The following CEP164 variants were observed in gnomAD, a reference collection of about 807,000 sequenced individuals.
CEP164 encodes centrosomal protein 164.
In CEP164, 162 loss-of-function variants were observed where a neutral mutation model predicts 182.7. That is an observed-to-expected ratio of 0.89 (90% CI 0.78 to 1.01). CEP164 has a LOEUF of 1.01. Among genes scored for constraint, CEP164 ranks in the 50% least tolerant of loss-of-function variants. CEP164 has a pLI of 0.00. For synonymous variants in CEP164, 661 were observed against 690.0 expected (o/e 0.96, Z 0.66); for missense variants, 1,735 against 1,790.4 (o/e 0.97, Z 0.56).
intron 8 of CEP164, among the ~76,000 whole-genome samples, chr11:117,365,827 G>A (rs1430211389): frequency 6.6e-6 from 1 of 152,126 alleles, no homozygotes; most frequent in African/African-American, 2.4e-5. Flanking sequence ...TGATCTGCAC[G>A]CCACGGCTTC....
chr11:117,359,352 A>T, intron 5 of CEP164: 1 of 884,266 alleles, frequency 1.1e-6, no homozygotes, highest in Non-Finnish European at 1.4e-6. Flanking sequence ...CATTGTACGG[A>T]AGGTGTTTAG....
rs2044088527 is a variant in CEP164 at position 117,387,370 on chromosome 11, A to G, written c.1892A>G (p.Glu631Gly). ...GAGAAGCTGTGCCAAGAGGAGGAAG[A>G]GGAGATCCTCCGGCTTCACCAGCAG... is the stretch of plus-strand genomic sequence containing the variant. Reference protein sequence around the residue: ...LREKLCQEEEEEILRLHQQKE... With the variant: ...LREKLCQEEEGEILRLHQQKE... Residue 631 changes from glutamate to glycine, a missense_variant, in exon 15 of 33, where the codon GAG becomes GGG. Transcript: ENST00000278935. 6.2e-7 allele frequency: 1 copy of G among 1,614,152 alleles called. No individual in the cohort carries two copies. The highest frequency in any genetic ancestry group is 8.5e-7 in the Non-Finnish European group (1 of 1,180,026).
intron 18 of CEP164, 23 bp downstream of exon 18, chr11:117,392,326 C>T (rs1288392305): frequency 6.2e-7 from 1 of 1,602,636 alleles, no homozygotes; most frequent in Non-Finnish European, 8.5e-7. Flanking sequence ...ATCCTGGGCC[C>T]CCTTCATGGC....
intron 3 of CEP164, among the ~76,000 whole-genome samples, chr11:117,342,150 A>C (rs1387115939): frequency 6.6e-6 from 1 of 152,156 alleles, no homozygotes; most frequent in Non-Finnish European, 1.5e-5. Flanking sequence ...TAAGCTCCAT[A>C]ATGGCAGTGA....
chr11:117,399,760 G>C (rs1001757106), intron 27 of CEP164, among the ~76,000 whole-genome samples: 1 of 152,034 alleles, frequency 6.6e-6, no homozygotes, highest in Admixed American at 6.5e-5. Context: ...TTTTTTATGT[G>C]TTTGTTGGCT....
intron 15 of CEP164, among the ~76,000 whole-genome samples, chr11:117,389,007 TG>T (rs1401377518): frequency 2.0e-5 from 3 of 151,980 alleles, no homozygotes; most frequent in Non-Finnish European, 2.9e-5. Context: ...CCTGACCTGA[TG>T]ATCCGCCTGC....
intron 15 of CEP164, among the ~76,000 whole-genome samples, chr11:117,390,219 G>A (rs577793014): frequency 6.3e-4 from 96 of 151,648 alleles, no homozygotes; most frequent in Admixed American, 1.6e-3. Flanking sequence ...CTGGGATTAC[G>A]GGTGTGAGCC....
chr11:117,345,170 GCAGTGATTCACT>G (rs992882351), intron 4 of CEP164, among the ~76,000 whole-genome samples: 21 of 152,262 alleles, frequency 1.4e-4, no homozygotes, highest in African/African-American at 4.8e-4. Context: ...GTTGGAAGGA[GCAGTGATTCACT>G]CAGTGATTCA....
Position 117,391,036 on chromosome 11 carries a change from G to C in CEP164, c.2104G>C (p.Glu702Gln). ...QEASLQKLRE[E>Q]LESQQKAERA... is the part of the protein sequence containing the mutation. The stretch of plus-strand genomic sequence containing the variant: ...GGCTTCCCTGCAGAAACTGAGAGAA[G>C]AGTTGGAGTCTCAACAGAAGGCTGA... The change falls in exon 17 of 33, where the codon GAG becomes CAG. Residue 702 changes from glutamate (E) to glutamine (Q), a missense_variant. Coordinates refer to ENST00000278935, the MANE Select transcript of CEP164 (RefSeq NM_014956.5). 1 of 1,614,112 alleles carries C rather than the reference G, an allele frequency of 6.2e-7. No individual in the cohort carries two copies. Among genetic ancestry groups the C allele is most frequent in the Non-Finnish European group, 8.5e-7 (1 of 1,180,036 alleles).
At position 117,396,156 on chromosome 11, in the gene CEP164, G is replaced by C; in HGVS notation, c.3192G>C (p.Glu1064Asp). 1 of 1,613,612 alleles carries C rather than the reference G, an allele frequency of 6.2e-7. No individual in the cohort carries two copies. The highest frequency in any genetic ancestry group is 8.5e-7 in the Non-Finnish European group (1 of 1,179,768). The change falls in exon 25 of 33, where the codon GAG (glutamate) becomes GAC (aspartate). Residue 1064 changes from glutamate (E) to aspartate (D), a missense_variant. Physicochemically the swap from Glu to Asp is conservative, Grantham distance 45. Coordinates refer to ENST00000278935, the MANE Select transcript of CEP164 (RefSeq NM_014956.5). ...ATTTTGAGCCAGATCTCCATATTGA[G>C]GACCTGAGGAAATCCCTTGGAACAG... The part of the protein sequence containing the change: ...SPHFEPDLHI[E>D]DLRKSLGTNQ...
At position 117,395,116 on chromosome 11, in the gene CEP164, C is replaced by T; in HGVS notation, c.2845-7C>T. 1 of 1,614,148 alleles carries T rather than the reference C, an allele frequency of 6.2e-7. No homozygotes were observed. Among genetic ancestry groups the T allele is most frequent in the Non-Finnish European group, 8.5e-7 (1 of 1,179,990 alleles). ...TCAGCCAGAAAATCCTGTCTCTTCC[C>T]TGCAAGGAGGAGACCGCCCGGAGGG... On this transcript the variant is annotated splice_region_variant and splice_polypyrimidine_tract_variant and intron_variant, in intron 22 of 32. Transcript: ENST00000278935.
intron 30 of CEP164, chr11:117,410,230 C>T: frequency 5.1e-6 from 3 of 585,234 alleles, no homozygotes; most frequent in Non-Finnish European, 9.2e-6. Context: ...CTGACTGGGG[C>T]CTTTATTGTG....
At chr11:117,401,021 G>C (rs1051989732) in intron 27 of CEP164, among the ~76,000 whole-genome samples, 1 of 152,112 alleles carries the variant, frequency 6.6e-6, no homozygotes, top group Non-Finnish European at 1.5e-5. Context: ...TTCCAATACT[G>C]TGTTGAATAG....
rs1297196642 is a variant in CEP164, at chr11:117,351,950, A to G, written c.355A>G (p.Lys119Glu). The G allele has an allele frequency of 5.6e-6, 9 of 1,608,770 alleles. No homozygotes were observed. The highest frequency in any genetic ancestry group is 6.8e-6 in the Non-Finnish European group (8 of 1,177,658). Residue 119 changes from lysine (K) to glutamate (E), a missense_variant, in exon 5 of 33, where the codon AAA becomes GAA. Coordinates refer to ENST00000278935, the MANE Select transcript of CEP164 (RefSeq NM_014956.5). ...IKKKKKKKEK[K>E]DKKDRDPPKS... ...GAAGAAGAAAAAAAAAAAGGAAAAG[A>G]AAGACAAGAAGGACAGAGACCCCCC...
chr11:117,410,947 C>A, intron 31 of CEP164, 53 bp downstream of exon 31: 1 of 1,523,328 alleles, frequency 6.6e-7, no homozygotes, highest in Non-Finnish European at 9.0e-7. Flanking sequence ...GAGCTGCTCA[C>A]TGTGCCTCCC....
chr11:117,353,755 G>A (rs948517530), intron 5 of CEP164, among the ~76,000 whole-genome samples: 2 of 152,156 alleles, frequency 1.3e-5, no homozygotes, highest in Non-Finnish European at 2.9e-5. Flanking sequence ...CTGTCTGGAG[G>A]TGTGCACTCA....
Position 117,397,071 on chromosome 11 carries a change from C to G in CEP164, c.3279-20C>G. The G allele has an allele frequency of 1.2e-6, 2 of 1,605,912 alleles. No individual in the cohort carries two copies. The highest frequency in any genetic ancestry group is 1.7e-6 in the Non-Finnish European group (2 of 1,175,762). ...GTTCTTAGAGGCTTCTGTTTTCCTTCTTCAACTCTCCTGCTCCAGCCTGTC... is the reference window on the plus strand; with the variant it reads ...GTTCTTAGAGGCTTCTGTTTTCCTTGTTCAACTCTCCTGCTCCAGCCTGTC... On this transcript the variant is annotated intron_variant, in intron 26 of 32. Transcript: ENST00000278935.
At chr11:117,373,363 G>GA (rs201515564) in intron 9 of CEP164, among the ~76,000 whole-genome samples, 279 of 141,640 alleles carry the variant, frequency 2.0e-3, no homozygotes, top group African/African-American at 4.0e-3. Flanking sequence ...CTCCATCTCG[G>GA]AAAAAAAAAA....
chr11:117,368,520 G>C (rs1429265173), intron 8 of CEP164, among the ~76,000 whole-genome samples: 4 of 152,202 alleles, frequency 2.6e-5, no homozygotes, highest in Non-Finnish European at 4.4e-5. Flanking sequence ...TTGGTAGGCA[G>C]CCCTCTTAGG....
Sources: gnomAD v4.1 joint callset for allele counts (sites outside exome capture counted in the v4.1 genomes callset) on GRCh38, gnomAD v4.1.1 for gene constraint, MANE v1.5 for transcripts, NCBI Gene and HGNC (gene_info 2026-07-23, HGNC 2026-07-21) for gene names.